The following PARVB variants were observed in gnomAD, a reference collection of about 807,000 sequenced individuals.
PARVB encodes the protein beta-parvin.
In PARVB, 46 loss-of-function variants were observed where a neutral mutation model predicts 47.0. That is an observed-to-expected ratio of 0.98 (90% CI 0.77 to 1.25). The LOEUF is 1.25. Ranked by LOEUF, PARVB falls within the 50% of genes most tolerant of loss-of-function variation. PARVB has a pLI of 0.00. For missense variants in PARVB, 473 were observed against 471.6 expected, an observed-to-expected ratio of 1.00 and a Z score of -0.03; for synonymous variants, 196 against 196.3, an observed-to-expected ratio of 1.00 and a Z score of 0.01.
Position 44,131,609 on chromosome 22 carries a change from C to G in PARVB, c.499C>G (p.Leu167Val). Residue 167 changes from leucine (L) to valine (V), a missense_variant, in exon 5 of 13, where the codon CTC becomes GTC. Leu to Val is a conservative substitution (Grantham distance 32). Transcript: ENST00000338758. The part of the protein sequence containing the change: ...HDLLRPRGWA[L>V]RWSVDSIHGK... ...CCTGCTGCGGCCCCGAGGCTGGGCGCTCCGGTGGAGCGTGGACTGTGAGTT... is the reference window on the plus strand; with the variant it reads ...CCTGCTGCGGCCCCGAGGCTGGGCGGTCCGGTGGAGCGTGGACTGTGAGTT... 1 of 1,613,708 alleles carries G rather than the reference C, an allele frequency of 6.2e-7. No individual in the cohort carries two copies. Among genetic ancestry groups the G allele is most frequent in the South Asian group, 1.1e-5 (1 of 91,008 alleles).
intron 11 of PARVB, 31 bp downstream of exon 11, chr22:44,158,114 G>C: frequency 7.0e-7 from 1 of 1,425,856 alleles, no homozygotes; most frequent in South Asian, 1.1e-5. Flanking sequence ...CTTGGTAGGG[G>C]CTCAAGAAAT....
intron 2 of PARVB, among the ~76,000 whole-genome samples, chr22:44,094,376 C>T (rs2052248176): frequency 6.6e-6 from 1 of 152,130 alleles, no homozygotes; most frequent in South Asian, 2.1e-4. Context: ...CACGCCACGC[C>T]ACACCATGCC....
At chr22:44,004,682 G>A (rs988230573) in intron 2 of PARVB, among the ~76,000 whole-genome samples, 1 of 152,204 alleles carries the variant, frequency 6.6e-6, no homozygotes, top group Non-Finnish European at 1.5e-5. Context: ...ATGTTTACAA[G>A]TAGAAAAAGC....
rs12166727 is a variant in PARVB, at chr22:44,122,570, G to C, written c.376+3430G>C. 6.5e-3 allele frequency among the ~76,000 whole-genome samples: 535 copies of C among 81,748 alleles called. 1 individual carries two copies. The highest frequency in any genetic ancestry group is 0.01 in the Non-Finnish European group (391 of 37,624). The allele number at this position is 81,748 out of a possible 152,430, so 53.6% of individuals were successfully genotyped here. On this transcript the variant is annotated intron_variant, in intron 4 of 12. Coordinates refer to ENST00000338758, the MANE Select transcript of PARVB (RefSeq NM_013327.5). Reference sequence around the variant, plus strand: ...AGAGAGAGACACAGAGACAGAGAGAGAGAGAGAGAGAGAGAGAGAGAGAGA... The same window carrying C: ...AGAGAGAGACACAGAGACAGAGAGACAGAGAGAGAGAGAGAGAGAGAGAGA...
chr22:44,142,714 G>C (rs1199132893), intron 8 of PARVB: 1 of 152,242 alleles, frequency 6.6e-6, no homozygotes, highest in African/African-American at 2.4e-5. Flanking sequence ...CCACTCCAGG[G>C]GTGGGAGGAC....
chr22:44,041,236 A>C (rs538274931), intron 1 of PARVB, among the ~76,000 whole-genome samples: 1 of 151,822 alleles, frequency 6.6e-6, no homozygotes, highest in Non-Finnish European at 1.5e-5. Flanking sequence ...CCATGCCTGT[A>C]ATCTCAGCAC....
chr22:44,069,014 G>C, intron 1 of PARVB: 1 of 1,030,986 alleles, frequency 9.7e-7, no homozygotes, highest in Non-Finnish European at 1.4e-6. Flanking sequence ...TTCCTCAAAG[G>C]CTCCCCAAAG....
intron 12 of PARVB, among the ~76,000 whole-genome samples, chr22:44,164,871 G>T (rs1263827726): frequency 1.3e-5 from 2 of 152,188 alleles, no homozygotes; most frequent in African/African-American, 4.8e-5. Context: ...TCTACCCACT[G>T]CAGCCACCGC....
rs140910040 is a variant in PARVB at position 44,062,606 on chromosome 22, C to T, written c.113-31322C>T. Among the ~76,000 whole-genome samples, 1,252 of 151,388 alleles carry T rather than the reference C, an allele frequency of 8.3e-3. 54 individuals are homozygous for T. Among genetic ancestry groups the T allele is most frequent in the East Asian group, 0.066 (342 of 5,144 alleles). On this transcript the variant is annotated intron_variant, in intron 1 of 12. Transcript: ENST00000338758. ...GAGCTGAGATCGCACCACTGCACTC[C>T]AGCCTGAGCAACAAGAGCAAAACCC...
intron 1 of PARVB, among the ~76,000 whole-genome samples, chr22:44,079,118 A>G (rs527290434): frequency 1.1e-4 from 16 of 152,216 alleles, no homozygotes; most frequent in African/African-American, 3.4e-4. Flanking sequence ...TGAGCACTCA[A>G]CGTTTCCCGC....
intron 2 of PARVB, among the ~76,000 whole-genome samples, chr22:44,006,090 A>C (rs1219260646): frequency 1.3e-5 from 2 of 152,152 alleles, no homozygotes. Flanking sequence ...CCACAGGCGC[A>C]TGCCACCATG....
chr22:44,147,624 C>T (rs1485840710), intron 8 of PARVB: 1 of 712,464 alleles, frequency 1.4e-6, no homozygotes, highest in Non-Finnish European at 2.6e-6. Context: ...GGACCCTCTG[C>T]AGCCTCTAGT....
intron 2 of PARVB, among the ~76,000 whole-genome samples, chr22:44,095,312 C>T (rs2052276453): frequency 6.6e-6 from 1 of 152,088 alleles, no homozygotes; most frequent in Non-Finnish European, 1.5e-5. Flanking sequence ...AGTTTGAGAT[C>T]AGCCTGGCCA....
chr22:44,032,882 T>C (rs544566955), intron 1 of PARVB, among the ~76,000 whole-genome samples: 1 of 152,284 alleles, frequency 6.6e-6, no homozygotes, highest in African/African-American at 2.4e-5. Context: ...AGTTGCTGAG[T>C]GGCTGTCACC....
At chr22:44,074,488 G>A (rs571697035) in intron 1 of PARVB, among the ~76,000 whole-genome samples, 3 of 152,306 alleles carry the variant, frequency 2.0e-5, no homozygotes, top group East Asian at 3.9e-4. Context: ...TGCCACCCTC[G>A]GATGCTTCCT....
At chr22:44,016,632 C>T (rs1296873941) in intron 2 of PARVB, among the ~76,000 whole-genome samples, 5 of 152,094 alleles carry the variant, frequency 3.3e-5, no homozygotes, top group Non-Finnish European at 4.4e-5. Context: ...TAATTTTGTG[C>T]GTGAAACAAA....
At chr22:44,128,390 G>C (rs133916) in intron 4 of PARVB, among the ~76,000 whole-genome samples, 1 of 152,136 alleles carries the variant, frequency 6.6e-6, no homozygotes, top group African/African-American at 2.4e-5. Context: ...TCTGTGCTAG[G>C]AAGATAGGGG....
chr22:44,017,468 C>T (rs965171233), intron 2 of PARVB, among the ~76,000 whole-genome samples: 9 of 152,180 alleles, frequency 5.9e-5, no homozygotes, highest in East Asian at 1.9e-4. Context: ...CCTCCAGTAA[C>T]GCAAAGCCCA....
At chr22:44,145,452 T>C (rs1188794415) in intron 8 of PARVB, 1 of 152,308 alleles carries the variant, frequency 6.6e-6, no homozygotes, top group East Asian at 1.9e-4. Flanking sequence ...CCCGACCCTC[T>C]TCCTGTCAAC....
Sources: gnomAD v4.1 joint callset for allele counts (sites outside exome capture counted in the v4.1 genomes callset) on GRCh38, gnomAD v4.1.1 for gene constraint, MANE v1.5 for transcripts, NCBI Gene and HGNC (gene_info 2026-07-23, HGNC 2026-07-21) for gene names.